ANK1: variants seen among roughly 807,000 people sequenced by gnomAD.
ANK1 encodes ankyrin-1.
In ANK1, 51 loss-of-function variants were observed where a neutral mutation model predicts 210.4. That is an observed-to-expected ratio of 0.24 (90% CI 0.19 to 0.31). The LOEUF (loss-of-function observed/expected upper bound fraction) is 0.31. ANK1 is among the 10% of genes least tolerant of loss of function. The pLI, the probability that ANK1 is intolerant of heterozygous loss-of-function variation, is 1.00. For missense variants in ANK1, 2,051 were observed against 2,504.4 expected, an observed-to-expected ratio of 0.82 and a Z score of 3.86; for synonymous variants, 967 against 1,025.9, an observed-to-expected ratio of 0.94 and a Z score of 1.10.
At chr8:41,714,332 C>T in intron 15 of ANK1, 78 bp from the exon 16 acceptor site, 4 of 1,128,822 alleles carry the variant, frequency 3.5e-6, no homozygotes, top group Non-Finnish European at 5.0e-6. Context: ...GGCATGGGAG[C>T]ACCTATTTTA....
intron 5 of ANK1, 103 bp downstream of exon 5, chr8:41,727,147 A>G: frequency 1.2e-6 from 1 of 853,712 alleles, no homozygotes; most frequent in Non-Finnish European, 2.0e-6. Context: ...ATCCATCATG[A>G]CATGGATGCA....
At position 41,684,765 on chromosome 8, in the gene ANK1, C is replaced by A. The variant is rs1817217060; in HGVS notation, c.4391-75G>T. ...ATCACATGGGCTCAGAAAATGGGGC[C>A]AGGATGAAGATGGAGAAAGGAGATA... On this transcript the variant is annotated intron_variant, in intron 36 of 42. Coordinates refer to ENST00000289734, the MANE Select transcript of ANK1 (RefSeq NM_000037.4). 5 of 1,546,248 alleles carry A rather than the reference C, an allele frequency of 3.2e-6. No individual in the cohort carries two copies. In the African/African-American group the frequency reaches 6.8e-5, roughly 21 times the overall value.
At chr8:41,876,218 G>C (rs1056082732) in intron 1 of ANK1, among the ~76,000 whole-genome samples, 3 of 152,182 alleles carry the variant, frequency 2.0e-5, no homozygotes, top group Admixed American at 2.0e-4. Context: ...TCACCAGCAC[G>C]TGGGGCGCTG....
intron 1 of ANK1, among the ~76,000 whole-genome samples, chr8:41,807,527 A>T (rs1228742262): frequency 6.6e-6 from 1 of 152,056 alleles, no homozygotes; most frequent in Non-Finnish European, 1.5e-5. Flanking sequence ...TTGTATCTGT[A>T]AGCAGGACTA....
chr8:41,758,295 T>C (rs973369563), intron 1 of ANK1, among the ~76,000 whole-genome samples, 158 bp from the exon 2 acceptor site: 1 of 152,240 alleles, frequency 6.6e-6, no homozygotes, highest in Admixed American at 6.5e-5. Context: ...TGAGAGCCCC[T>C]GGTTGGACTG....
chr8:41,704,045 C>T lies in ANK1; in HGVS notation c.2291G>A (p.Ser764Asn), dbSNP rs758480712. The change falls in exon 20 of 43, where the codon AGC becomes AAC. Residue 764 changes from serine to asparagine, a missense_variant. By Grantham distance (46) the Ser-to-Asn change is conservative. Coordinates refer to ENST00000289734, the MANE Select transcript of ANK1 (RefSeq NM_000037.4). This position sits in a 1 kb window ranked among gnomAD's most constrained non-coding sequence, Gnocchi z 4.1. Reference sequence around the variant, plus strand: ...CAGGAGAGAGAGTGTACTCACCGAGCTGACCTCGTTTGGGGAAGCACCGTT... The same window carrying T: ...CAGGAGAGAGAGTGTACTCACCGAGTTGACCTCGTTTGGGGAAGCACCGTT... ...LKNGASPNEV[S>N]SDGTTPLAIA... 2.5e-6 allele frequency: 4 copies of T among 1,613,856 alleles called. No individual in the cohort carries two copies. The African/African-American group carries it at 4.0e-5, about 16-fold the overall frequency.
chr8:41,805,827 A>G (rs1318179795), intron 1 of ANK1, among the ~76,000 whole-genome samples: 1 of 152,210 alleles, frequency 6.6e-6, no homozygotes, highest in African/African-American at 2.4e-5. Context: ...ATCTACATCA[A>G]TGTGGTGGAA....
chr8:41,684,427 C>A, intron 37 of ANK1, 117 bp downstream of exon 37: 1 of 1,482,724 alleles, frequency 6.7e-7, no homozygotes, highest in African/African-American at 1.4e-5. Flanking sequence ...AGACCTCCCA[C>A]CAATGGGAGG....
At chr8:41,837,384 C>G (rs1210716001) in intron 1 of ANK1, among the ~76,000 whole-genome samples, 1 of 152,128 alleles carries the variant, frequency 6.6e-6, no homozygotes, top group African/African-American at 2.4e-5. Context: ...GCGCTGTGGT[C>G]CTTTTGCTCA....
chr8:41,724,862 T>C (rs1371755452), intron 6 of ANK1, among the ~76,000 whole-genome samples: 5 of 152,136 alleles, frequency 3.3e-5, no homozygotes, highest in Non-Finnish European at 5.9e-5. Flanking sequence ...CTATGGTCTT[T>C]TTTTCCTCCC....
chr8:41,729,382 T>C (rs537549771), intron 3 of ANK1, among the ~76,000 whole-genome samples: 1 of 152,064 alleles, frequency 6.6e-6, no homozygotes, highest in African/African-American at 2.4e-5. Context: ...GAAAGTGAGT[T>C]TTTGTTTTGT....
At chr8:41,672,983 C>T (rs1231039609) in intron 37 of ANK1, 71 bp from the exon 38 acceptor site, 14 of 1,405,224 alleles carry the variant, frequency 1.0e-5, no homozygotes, top group East Asian at 2.4e-5. Context: ...TGCAGGTCCA[C>T]GCACACGCAC....
intron 1 of ANK1, among the ~76,000 whole-genome samples, chr8:41,868,897 A>G (rs1475538399): frequency 1.3e-5 from 2 of 152,244 alleles, no homozygotes; most frequent in African/African-American, 4.8e-5. Flanking sequence ...AGGGAATGAA[A>G]AAGATGAGGC....
At chr8:41,702,025 G>T in intron 21 of ANK1, 27 bp downstream of exon 21, 1 of 1,596,956 alleles carries the variant, frequency 6.3e-7, no homozygotes, top group Non-Finnish European at 8.6e-7. Context: ...TGTGTCTGGG[G>T]TGGGTGCGGG....
At chr8:41,769,778 C>T (rs1842627044) in intron 1 of ANK1, among the ~76,000 whole-genome samples, 1 of 152,048 alleles carries the variant, frequency 6.6e-6, no homozygotes, top group South Asian at 2.1e-4. Context: ...CTGCCTCCTG[C>T]CGGCCAGTCC....
intron 1 of ANK1, among the ~76,000 whole-genome samples, chr8:41,779,748 A>G (rs1844875338): frequency 6.6e-6 from 1 of 152,246 alleles, no homozygotes; most frequent in African/African-American, 2.4e-5. Context: ...TTACAAGTGG[A>G]AAACAGGGCA....
intron 1 of ANK1, among the ~76,000 whole-genome samples, chr8:41,769,959 CTTTTTTTTTTCTTTTTTCTTT>C (rs1228543717): frequency 6.1e-5 from 7 of 115,074 alleles, no homozygotes; most frequent in South Asian, 3.0e-4. Flanking sequence ...TATATATCTT[CTTTTTTTTTTCTTTTTTCTTT>C]TTTTTTTTTT....
chr8:41,788,533 C>T lies in ANK1; in HGVS notation c.27+8979G>A, dbSNP rs80220369. Among the ~76,000 whole-genome samples, 558 of 152,322 alleles carry T rather than the reference C, an allele frequency of 3.7e-3. 4 individuals are homozygous for T. Among genetic ancestry groups the T allele is most frequent in the Non-Finnish European group, 6.3e-3 (428 of 68,032 alleles). On this transcript the variant is annotated intron_variant, in intron 1 of 42. Transcript: ENST00000289734. ...CAATAAACAACTTTATTTCATCACT[C>T]TTCCTAGCTGCAATCTCAGTTTCCT...
chr8:41,746,876 A>AG (rs1836290576), intron 2 of ANK1, among the ~76,000 whole-genome samples: 1 of 151,830 alleles, frequency 6.6e-6, no homozygotes, highest in South Asian at 2.1e-4. Context: ...TTTAAAAAAA[A>AG]AAAAAAAAGA....
Sources: gnomAD v4.1 joint callset for allele counts (sites outside exome capture counted in the v4.1 genomes callset) on GRCh38, gnomAD v4.1.1 for gene constraint, Gnocchi (gnomAD v3.1) non-coding constraint, MANE v1.5 for transcripts, NCBI Gene and HGNC (gene_info 2026-07-23, HGNC 2026-07-21) for gene names.